Variants in NUTM2B observed in about 807,000 individuals in gnomAD.
The protein encoded by NUTM2B is family with sequence similarity 22, member B.
NUTM2B carries 2 observed loss-of-function variants against 42.4 expected under a neutral mutation model. That is an observed-to-expected ratio of 0.05 (90% CI 0.02 to 0.15). NUTM2B has a LOEUF of 0.15. Among genes scored for constraint, NUTM2B ranks in the 10% least tolerant of loss-of-function variants. The pLI, the probability that NUTM2B is intolerant of heterozygous loss-of-function variation, is 1.00. For missense variants in NUTM2B, 58 were observed against 952.6 expected, an observed-to-expected ratio of 0.06 and a Z score of 12.36; for synonymous variants, 18 against 402.4, an observed-to-expected ratio of 0.04 and a Z score of 11.43.
chr10:79,698,574 T>C (rs1487986247), upstream of NUTM2B, among the ~76,000 whole-genome samples: 14 of 113,234 alleles, frequency 1.2e-4, no homozygotes, highest in Admixed American at 1.1e-3. Flanking sequence ...CAATCTAGTA[T>C]GAACCAGCTC....
upstream of NUTM2B, among the ~76,000 whole-genome samples, chr10:79,702,447 G>T (rs567467159): frequency 3.3e-5 from 5 of 150,864 alleles, no homozygotes; most frequent in South Asian, 8.4e-4. Flanking sequence ...CTGGGGCAGT[G>T]GGGGAGAACC....
chr10:79,694,114 C>T, the NUTM2B span, among the ~76,000 whole-genome samples: 1 of 152,058 alleles, frequency 6.6e-6, no homozygotes. Context: ...CAGAAACAAG[C>T]TGGCCAGACG....
upstream of NUTM2B, among the ~76,000 whole-genome samples, chr10:79,702,260 G>A (rs1050171412): frequency 6.6e-6 from 1 of 152,062 alleles, no homozygotes; most frequent in African/African-American, 2.4e-5. Flanking sequence ...TGTCTCAGAG[G>A]ACAAAAGGCC....
At chr10:79,700,741 G>A (rs1340419923), upstream of NUTM2B, among the ~76,000 whole-genome samples, 11 of 152,230 alleles carry the variant, frequency 7.2e-5, no homozygotes, top group African/African-American at 2.4e-4. Context: ...ATCAACCGCC[G>A]CAACCGGCGC....
chr10:79,693,092 G>T, the NUTM2B span, among the ~76,000 whole-genome samples: 1 of 152,016 alleles, frequency 6.6e-6, no homozygotes, highest in East Asian at 1.9e-4. Context: ...CTCCATTCCC[G>T]ACCCCCAGCT....
upstream of NUTM2B, among the ~76,000 whole-genome samples, chr10:79,700,572 G>A (rs1840297150): frequency 6.6e-6 from 1 of 152,150 alleles, no homozygotes; most frequent in Non-Finnish European, 1.5e-5. Context: ...ATGTGGGGTC[G>A]CCCCGTGGAC....
upstream of NUTM2B, among the ~76,000 whole-genome samples, chr10:79,698,896 T>C (rs1360750142): frequency 1.3e-5 from 2 of 152,038 alleles, no homozygotes; most frequent in Non-Finnish European, 2.9e-5. Flanking sequence ...CCACCTTATA[T>C]CCCCAAATAC....
chr10:79,711,841 C>T lies in NUTM2B; in HGVS notation c.1993C>T (p.Gln665Ter). The T allele has an allele frequency of 1.3e-6, 2 of 1,576,914 alleles. No individual in the cohort carries two copies. Among genetic ancestry groups the T allele is most frequent in the South Asian group, 2.3e-5 (2 of 87,338 alleles). The change falls in exon 7 of 7, where the codon CAA becomes TAA. Residue 665 changes from glutamine (Q) to a stop codon, truncating the protein, a stop_gained. Coordinates refer to ENST00000429828, the Ensembl canonical transcript of NUTM2B. LOFTEE classifies it low-confidence loss of function (END_TRUNC). ...AGAGAGAGACGTCCCTGACCCCCAA[C>T]AAGGGGTTGGCATGGAAACCTGCCC... is the stretch of plus-strand genomic sequence containing the variant.
chr10:79,695,391 C>T, the NUTM2B span, among the ~76,000 whole-genome samples: 162 of 152,290 alleles, frequency 1.1e-3, no homozygotes, highest in Non-Finnish European at 2.0e-3. Context: ...GAAAATGTCA[C>T]GTGCCTTTGA....
rs1840363605 is a variant in NUTM2B, at chr10:79,705,093, T to C, written c.383-949T>C. On this transcript the variant is annotated intron_variant, in intron 1 of 6. Coordinates refer to ENST00000429828, the Ensembl canonical transcript of NUTM2B. ...GGCCCATGGCCCAAGAACCCCTGGTTTTTGGTTGGTCACTATGTTCAGTTA... is the reference window on the plus strand; with the variant it reads ...GGCCCATGGCCCAAGAACCCCTGGTCTTTGGTTGGTCACTATGTTCAGTTA... 3.1e-5 allele frequency among the ~76,000 whole-genome samples: 4 copies of C among 129,724 alleles called. No homozygotes were observed. The South Asian group carries it at 1.1e-3, about 37-fold the overall frequency. 85.1% of individuals were successfully genotyped at this position (129,724 alleles called of 152,430 possible). A position where few individuals can be genotyped will look rare whatever the true frequency, so the allele number is the denominator to read the frequency against.
the NUTM2B span, among the ~76,000 whole-genome samples, chr10:79,692,497 C>T: frequency 6.6e-6 from 1 of 152,186 alleles, no homozygotes; most frequent in African/African-American, 2.4e-5. Context: ...ACCATGGCTG[C>T]CCCTTGAGAA....
chr10:79,702,269 C>T (rs185170879), upstream of NUTM2B, among the ~76,000 whole-genome samples: 1 of 151,934 alleles, frequency 6.6e-6, no homozygotes, highest in African/African-American at 2.4e-5. Flanking sequence ...GGACAAAAGG[C>T]CTGGGAGCAC....
chr10:79,695,660 C>T, the NUTM2B span, among the ~76,000 whole-genome samples: 2 of 151,956 alleles, frequency 1.3e-5, no homozygotes, highest in Admixed American at 1.3e-4. Context: ...AGGGTGTCCT[C>T]GTCACTCGCC....
upstream of NUTM2B, among the ~76,000 whole-genome samples, chr10:79,700,818 A>G (rs452721): frequency 0.016 from 1,737 of 110,800 alleles, 3 homozygotes; most frequent in African/African-American, 0.025. Flanking sequence ...CTGCGGCGGC[A>G]CACGGGGCAG....
At chr10:79,705,628 CT>C (rs1840375828) in intron 1 of NUTM2B, among the ~76,000 whole-genome samples, 1 of 142,792 alleles carries the variant, frequency 7.0e-6, no homozygotes, top group Non-Finnish European at 1.5e-5. Flanking sequence ...TTCTGGCTTC[CT>C]GTCGGCCTTC....
chr10:79,696,237 G>T, the NUTM2B span, among the ~76,000 whole-genome samples: 4 of 150,628 alleles, frequency 2.7e-5, no homozygotes, highest in African/African-American at 9.8e-5. Flanking sequence ...TGATGCTTAA[G>T]TGGTGTAAGT....
chr10:79,700,174 T>C (rs989981113), upstream of NUTM2B, among the ~76,000 whole-genome samples: 5 of 152,272 alleles, frequency 3.3e-5, no homozygotes, highest in Non-Finnish European at 7.3e-5. Context: ...TCTTCCACTT[T>C]GCAGCTGCTC....
At chr10:79,710,981 G>A (rs1296923809) in intron 5 of NUTM2B, among the ~76,000 whole-genome samples, 1 of 134,028 alleles carries the variant, frequency 7.5e-6, no homozygotes, top group East Asian at 2.5e-4. Flanking sequence ...GTGTGAGTGT[G>A]GAGTGTGTAC....
chr10:79,698,144 C>T, the NUTM2B span, among the ~76,000 whole-genome samples: 1 of 144,144 alleles, frequency 6.9e-6, no homozygotes, highest in East Asian at 2.2e-4. Flanking sequence ...CCTCACCCTC[C>T]CAGATAAAAC....
Sources: allele counts gnomAD v4.1 joint callset (sites outside exome capture counted in the v4.1 genomes callset), GRCh38; gene constraint gnomAD v4.1.1; transcripts MANE v1.5; gene names NCBI Gene and HGNC (gene_info 2026-07-23, HGNC 2026-07-21).